Variants in ATXN1 observed in about 807,000 individuals in gnomAD.
The protein encoded by ATXN1 is ataxin-1.
A neutral mutation model predicts 56.4 loss-of-function variants in ATXN1; 8 were observed. The ratio of observed to expected loss-of-function variants is 0.14; its 90% CI spans 0.08 to 0.26. The LOEUF (loss-of-function observed/expected upper bound fraction) is 0.26, where lower values mean the gene tolerates loss of function less well. Ranked by LOEUF, ATXN1 falls within the 10% of genes least tolerant of loss-of-function variation. The probability of loss-of-function intolerance (pLI) is 1.00; values close to 1 mark genes in which losing one functional copy is unlikely to be tolerated. For missense variants in ATXN1, 987 were observed against 1,106.5 expected (o/e 0.89, Z 1.53); for synonymous variants, 514 against 494.6 (o/e 1.04, Z -0.52).
intron 2 of ATXN1, among the ~76,000 whole-genome samples, chr6:16,714,187 A>AC (rs1279596064): frequency 4.2e-4 from 33 of 77,792 alleles, no homozygotes; most frequent in African/African-American, 1.5e-3. Context: ...CACACCACAC[A>AC]CACACACACA....
chr6:16,729,330 G>A (rs1235328955), intron 2 of ATXN1, among the ~76,000 whole-genome samples: 4 of 152,222 alleles, frequency 2.6e-5, no homozygotes, highest in African/African-American at 9.6e-5. Flanking sequence ...TGGACTGAGA[G>A]AGCAAAGAGA....
chr6:16,314,122 C>T (rs1027671104), intron 7 of ATXN1, among the ~76,000 whole-genome samples: 1 of 152,182 alleles, frequency 6.6e-6, no homozygotes, highest in Non-Finnish European at 1.5e-5. Context: ...CTAGTTTTCT[C>T]CTCACTAATT....
At chr6:16,650,700 C>T (rs1763877326) in intron 3 of ATXN1, among the ~76,000 whole-genome samples, 1 of 152,184 alleles carries the variant, frequency 6.6e-6, no homozygotes, top group East Asian at 1.9e-4. Flanking sequence ...TATTCTTGTA[C>T]CAATCTCTGG....
At chr6:16,501,874 T>A (rs1410034522) in intron 5 of ATXN1, among the ~76,000 whole-genome samples, 1 of 152,188 alleles carries the variant, frequency 6.6e-6, no homozygotes, top group Non-Finnish European at 1.5e-5. Context: ...TATTTCTGGT[T>A]CTAGATCCTT....
chr6:16,697,740 CTTCT>C (rs966136982), intron 2 of ATXN1, among the ~76,000 whole-genome samples: 3 of 152,100 alleles, frequency 2.0e-5, no homozygotes, highest in African/African-American at 7.2e-5. Flanking sequence ...ACATTTCTTC[CTTCT>C]GAGTATTTTA....
At chr6:16,712,935 C>G (rs1759558178) in intron 2 of ATXN1, among the ~76,000 whole-genome samples, 1 of 152,134 alleles carries the variant, frequency 6.6e-6, no homozygotes, top group Admixed American at 6.6e-5. Context: ...GAGGGAGTAT[C>G]CTAGTTCACT....
chr6:16,444,072 C>A (rs576798369), intron 6 of ATXN1, among the ~76,000 whole-genome samples: 2 of 150,508 alleles, frequency 1.3e-5, no homozygotes, highest in African/African-American at 4.9e-5. Context: ...GCCGAGATTG[C>A]GCCACTGCAT....
intron 2 of ATXN1, among the ~76,000 whole-genome samples, chr6:16,727,196 C>CA (rs1759869547): frequency 6.6e-6 from 1 of 152,064 alleles, no homozygotes; most frequent in Admixed American, 6.6e-5. Flanking sequence ...GATTAAAGTT[C>CA]AAAATCTTTC....
chr6:16,751,946 C>T (rs150697745), intron 2 of ATXN1, among the ~76,000 whole-genome samples: 1 of 152,300 alleles, frequency 6.6e-6, no homozygotes, highest in African/African-American at 2.4e-5. Context: ...AATATTACCT[C>T]CATCTTATAC....
chr6:16,675,147 C>T lies in ATXN1; in HGVS notation c.-614-17246G>A, dbSNP rs116785615. On this transcript the variant is annotated intron_variant, in intron 2 of 7. Transcript: ENST00000436367. ...GGGTGTCTGTGTTGTAGATTGGTGA[C>T]TTTATAGAATGTGCTTCCAGGAATG... Among the ~76,000 whole-genome samples the T allele has an allele frequency of 6.3e-3, 956 of 152,230 alleles. 10 individuals carry two copies. Among genetic ancestry groups the T allele is most frequent in the African/African-American group, 0.022 (927 of 41,532 alleles).
chr6:16,660,655 G>A (rs1009494644), intron 2 of ATXN1, among the ~76,000 whole-genome samples: 1 of 151,864 alleles, frequency 6.6e-6, no homozygotes, highest in Non-Finnish European at 1.5e-5. Context: ...ACATGTATTT[G>A]AATGTTTCAA....
intron 3 of ATXN1, among the ~76,000 whole-genome samples, chr6:16,592,847 T>C (rs1404725287): frequency 1.6e-5 from 2 of 124,858 alleles, no homozygotes; most frequent in African/African-American, 3.0e-5. Context: ...TCTGAGCAGG[T>C]TGCACTGGTG....
chr6:16,707,102 A>T (rs1759425492), intron 2 of ATXN1, among the ~76,000 whole-genome samples: 1 of 152,124 alleles, frequency 6.6e-6, no homozygotes. Flanking sequence ...CCTCCTCAGG[A>T]ATCTGTAGGC....
rs144513982 is a variant in ATXN1, at chr6:16,378,314, C to T, written c.-160-49844G>A. 2.0e-5 allele frequency among the ~76,000 whole-genome samples: 3 copies of T among 152,324 alleles called. No homozygotes were observed. The East Asian group carries it at 5.8e-4, about 29-fold the overall frequency. ...CTTAGATTTAGATACCATGCTATGACTTACCAAGCACTTTATAATATACAT... is the reference window on the plus strand; with the variant it reads ...CTTAGATTTAGATACCATGCTATGATTTACCAAGCACTTTATAATATACAT... On this transcript the variant is annotated intron_variant, in intron 6 of 7. Transcript: ENST00000436367.
rs1762612296 is a variant in ATXN1, at chr6:16,585,888, T to C, written c.-469A>G. ...GTAGAAAGGGTGGCAGTGGAGAATC[T>C]CAGTGTAAAACGCCTAGACCTGTAA... On this transcript the variant is annotated 5_prime_UTR_variant, in exon 4 of 8. The change abolishes the stop of an existing upstream ORF in the 5' untranslated region. Coordinates refer to ENST00000436367, the MANE Select transcript of ATXN1 (RefSeq NM_001128164.2). 6.6e-6 allele frequency: 1 copy of C among 152,178 alleles called. No homozygotes were observed. The highest frequency in any genetic ancestry group is 2.4e-5 in the African/African-American group (1 of 41,444). 9.4% of individuals were successfully genotyped at this position (152,178 alleles called of 1,614,324 possible).
intron 3 of ATXN1, among the ~76,000 whole-genome samples, chr6:16,657,409 T>C (rs1186963930): frequency 1.3e-4 from 20 of 152,240 alleles, no homozygotes; most frequent in Admixed American, 1.3e-3. Context: ...AAATTGAATC[T>C]ACTTCCTCTC....
At chr6:16,359,738 C>A (rs1761768633) in intron 6 of ATXN1, among the ~76,000 whole-genome samples, 1 of 152,188 alleles carries the variant, frequency 6.6e-6, no homozygotes. Flanking sequence ...GTACCTCATT[C>A]TTTCTGGACG....
At chr6:16,322,793 T>C (rs769515423) in intron 7 of ATXN1, among the ~76,000 whole-genome samples, 3 of 152,352 alleles carry the variant, frequency 2.0e-5, no homozygotes, top group South Asian at 2.1e-4. Context: ...AACCTGTCAC[T>C]TGTGGCAAAC....
At chr6:16,475,510 T>A (rs1434797728) in intron 6 of ATXN1, among the ~76,000 whole-genome samples, 2 of 152,202 alleles carry the variant, frequency 1.3e-5, no homozygotes, top group Non-Finnish European at 2.9e-5. Context: ...TTAACTCTCT[T>A]AACAGGTCAT....
Sources: allele counts gnomAD v4.1 joint callset (sites outside exome capture counted in the v4.1 genomes callset), GRCh38; gene constraint gnomAD v4.1.1; transcripts MANE v1.5; gene names NCBI Gene and HGNC (gene_info 2026-07-23, HGNC 2026-07-21).